The following GRM8 variants were observed in gnomAD, a reference collection of about 807,000 sequenced individuals.
GRM8 encodes glutamate metabotropic receptor 8, also known as metabotropic glutamate receptor 8.
GRM8 carries 47 observed loss-of-function variants against 87.2 expected under a neutral mutation model. That is an observed-to-expected ratio of 0.54 (90% CI 0.43 to 0.69). The LOEUF is 0.69. Ranked by LOEUF, GRM8 falls within the 30% of genes least tolerant of loss-of-function variation. The pLI is 0.00. For missense variants in GRM8, 1,019 were observed against 1,139.2 expected, an observed-to-expected ratio of 0.89 and a Z score of 1.52; for synonymous variants, 396 against 404.5, an observed-to-expected ratio of 0.98 and a Z score of 0.25.
At chr7:126,752,901 C>T (rs2151547541) in intron 7 of GRM8, among the ~76,000 whole-genome samples, 1 of 152,182 alleles carries the variant, frequency 6.6e-6, no homozygotes, top group African/African-American at 2.4e-5. Context: ...CATGGAAATA[C>T]TTTACATTTT....
chr7:126,697,238 T>G (rs571505554), intron 7 of GRM8, among the ~76,000 whole-genome samples: 6 of 147,714 alleles, frequency 4.1e-5, no homozygotes, highest in African/African-American at 1.5e-4. Context: ...AAGGAGGGGA[T>G]GGGGAATGGA....
intron 7 of GRM8, among the ~76,000 whole-genome samples, chr7:126,657,792 G>A (rs1804697514): frequency 1.0e-5 from 1 of 98,190 alleles, no homozygotes. Flanking sequence ...CTATTGTGGT[G>A]GGGGTGGAGT....
intron 3 of GRM8, among the ~76,000 whole-genome samples, chr7:127,043,037 G>A (rs1447868918): frequency 6.6e-6 from 1 of 152,226 alleles, no homozygotes; most frequent in African/African-American, 2.4e-5. Flanking sequence ...CTGGCCATCA[G>A]ATAAATGCAA....
chr7:126,493,947 G>A (rs759510284), intron 9 of GRM8, among the ~76,000 whole-genome samples: 3 of 152,002 alleles, frequency 2.0e-5, no homozygotes, highest in Non-Finnish European at 4.4e-5. Flanking sequence ...GTCATGAGGA[G>A]CAGCTTCCCT....
intron 2 of GRM8, among the ~76,000 whole-genome samples, chr7:127,236,374 GA>G (rs2116841897): frequency 6.6e-6 from 1 of 152,268 alleles, no homozygotes; most frequent in Admixed American, 6.5e-5. Flanking sequence ...ATTTATAAAC[GA>G]AAGAGGTTTA....
chr7:126,999,509 C>G (rs910421947), intron 3 of GRM8, among the ~76,000 whole-genome samples: 2 of 151,580 alleles, frequency 1.3e-5, no homozygotes, highest in African/African-American at 4.8e-5. Context: ...AAACTAATAA[C>G]CAAAATATAG....
intron 9 of GRM8, among the ~76,000 whole-genome samples, chr7:126,507,002 G>A (rs1168708852): frequency 6.6e-6 from 1 of 152,020 alleles, no homozygotes; most frequent in African/African-American, 2.4e-5. Context: ...TGCAAGGAGA[G>A]GGCATATCTA....
intron 6 of GRM8, among the ~76,000 whole-genome samples, chr7:126,784,749 G>C (rs1414370550): frequency 6.6e-6 from 1 of 151,726 alleles, no homozygotes; most frequent in Non-Finnish European, 1.5e-5. Context: ...CCGTTTTTTA[G>C]GAAAACTGAA....
intron 8 of GRM8, among the ~76,000 whole-genome samples, chr7:126,580,080 A>C (rs1795470264): frequency 1.3e-5 from 2 of 152,164 alleles, no homozygotes; most frequent in Non-Finnish European, 2.9e-5. Flanking sequence ...CTATTCACTA[A>C]TAATTCAAAT....
chr7:127,037,842 T>C (rs1181328120), intron 3 of GRM8, among the ~76,000 whole-genome samples: 2 of 151,356 alleles, frequency 1.3e-5, no homozygotes, highest in Non-Finnish European at 2.9e-5. Flanking sequence ...CGTGTGTGTG[T>C]GTGTGTGTGT....
At chr7:126,478,058 T>C (rs1806205459) in intron 9 of GRM8, among the ~76,000 whole-genome samples, 1 of 152,130 alleles carries the variant, frequency 6.6e-6, no homozygotes, top group Admixed American at 6.6e-5. Flanking sequence ...CAAGTCCCAT[T>C]TGGCTAATTC....
At chr7:126,543,778 T>C (rs920545847) in intron 8 of GRM8, among the ~76,000 whole-genome samples, 1 of 152,098 alleles carries the variant, frequency 6.6e-6, no homozygotes, top group African/African-American at 2.4e-5. Context: ...ATGGCACAAA[T>C]GGATCACTGG....
intron 6 of GRM8, among the ~76,000 whole-genome samples, chr7:126,821,249 T>C (rs1318852958): frequency 6.6e-6 from 1 of 152,210 alleles, no homozygotes; most frequent in Non-Finnish European, 1.5e-5. Flanking sequence ...CTTTTCCTTG[T>C]ATTTTCTATT....
chr7:126,996,448 TCAATAACAACATAAAA>T (rs1813182362), intron 3 of GRM8, among the ~76,000 whole-genome samples: 2 of 151,996 alleles, frequency 1.3e-5, no homozygotes, highest in African/African-American at 4.8e-5. Flanking sequence ...TCCTTACTTG[TCAATAACAACATAAAA>T]TGTAAATGAA....
chr7:127,211,130 T>C (rs1237082608), intron 2 of GRM8, among the ~76,000 whole-genome samples: 2 of 152,184 alleles, frequency 1.3e-5, no homozygotes, highest in African/African-American at 4.8e-5. Context: ...TATTGACTCA[T>C]TCAACCACAA....
At chr7:126,458,501 T>C (rs1420133101) in intron 9 of GRM8, among the ~76,000 whole-genome samples, 2 of 151,288 alleles carry the variant, frequency 1.3e-5, no homozygotes, top group African/African-American at 4.8e-5. Flanking sequence ...CAACGCATTA[T>C]AGAAATGCAA....
chr7:127,107,095 C>A (rs897760876), intron 2 of GRM8, among the ~76,000 whole-genome samples: 1 of 152,164 alleles, frequency 6.6e-6, no homozygotes, highest in African/African-American at 2.4e-5. Context: ...AAAAGGTCAC[C>A]TCTGAAACTG....
chr7:126,704,719 T>C (rs1450334885), intron 7 of GRM8, among the ~76,000 whole-genome samples: 3 of 152,226 alleles, frequency 2.0e-5, no homozygotes, highest in Non-Finnish European at 4.4e-5. Context: ...CAGTCTCCCA[T>C]AGCACTCCCA....
At chr7:127,032,438 C>T (rs1044837014) in intron 3 of GRM8, among the ~76,000 whole-genome samples, 3 of 152,260 alleles carry the variant, frequency 2.0e-5, no homozygotes, top group Middle Eastern at 6.8e-3. Flanking sequence ...TCCGTCCACA[C>T]CCCCATCAGG....
Sources: allele counts gnomAD v4.1 joint callset (sites outside exome capture counted in the v4.1 genomes callset), GRCh38; gene constraint gnomAD v4.1.1; transcripts MANE v1.5; gene names NCBI Gene and HGNC (gene_info 2026-07-23, HGNC 2026-07-21).